PDE1A: variants seen among roughly 807,000 people sequenced by gnomAD.
PDE1A encodes phosphodiesterase 1A.
PDE1A carries 35 observed loss-of-function variants against 61.7 expected under a neutral mutation model. That is an observed-to-expected ratio of 0.57 (90% CI 0.43 to 0.75). PDE1A has a LOEUF of 0.75. Among genes scored for constraint, PDE1A ranks in the 30% least tolerant of loss-of-function variants. PDE1A has a pLI of 0.00. For missense variants in PDE1A, 597 were observed against 630.6 expected, an observed-to-expected ratio of 0.95 and a Z score of 0.57; for synonymous variants, 232 against 213.2, an observed-to-expected ratio of 1.09 and a Z score of -0.77.
rs770064634 is a variant in PDE1A at position 182,186,496 on chromosome 2, C to T, written c.1300G>A (p.Ala434Thr). 6 of 1,612,904 alleles carry T rather than the reference C, an allele frequency of 3.7e-6. No individual in the cohort carries two copies. The Admixed American group carries it at 5.0e-5, about 13-fold the overall frequency. Residue 434 changes from alanine to threonine, a missense_variant, in exon 12 of 14, where the codon GCC becomes ACC. Transcript: ENST00000351439. ...CTTGCCACATAGGAAGAAGTTTCGG[C>T]TTTTGAGGCTTCCTCTATAAGAGGA...
intron 7 of PDE1A, among the ~76,000 whole-genome samples, chr2:182,214,072 G>C (rs879668427): frequency 1.4e-5 from 2 of 148,048 alleles, no homozygotes; most frequent in Non-Finnish European, 3.0e-5. Context: ...CGGATCTCTC[G>C]GCAGAAACCC....
At chr2:182,241,639 G>A (rs998681781) in intron 2 of PDE1A, among the ~76,000 whole-genome samples, 6 of 152,144 alleles carry the variant, frequency 3.9e-5, no homozygotes, top group Admixed American at 3.3e-4. Flanking sequence ...CTGCAGAAAA[G>A]TCATTTGCCA....
At chr2:182,452,004 TG>T (rs1685560552) in intron 2 of PDE1A, among the ~76,000 whole-genome samples, 2 of 152,086 alleles carry the variant, frequency 1.3e-5, no homozygotes, top group Non-Finnish European at 2.9e-5. Context: ...GTTTGTTTAT[TG>T]TTCTGATTTA....
At chr2:182,165,258 T>G (rs1691596036), downstream of PDE1A, among the ~76,000 whole-genome samples, 1 of 152,130 alleles carries the variant, frequency 6.6e-6, no homozygotes, top group Admixed American at 6.5e-5. Flanking sequence ...TCTGCAACAT[T>G]ATGTTCTTCT....
At chr2:182,498,482 C>T (rs1688859296) in intron 2 of PDE1A, among the ~76,000 whole-genome samples, 1 of 150,938 alleles carries the variant, frequency 6.6e-6, no homozygotes, top group Admixed American at 6.6e-5. Flanking sequence ...AAGAAAATTT[C>T]AGGCTTAATC....
intron 1 of PDE1A, among the ~76,000 whole-genome samples, chr2:182,287,025 T>TA (rs1328976962): frequency 6.6e-6 from 1 of 152,120 alleles, no homozygotes; most frequent in Non-Finnish European, 1.5e-5. Context: ...CCAAACTCCT[T>TA]ACCTTGACTT....
the PDE1A span, among the ~76,000 whole-genome samples, chr2:182,557,392 C>G: frequency 6.6e-6 from 1 of 152,070 alleles, no homozygotes; most frequent in African/African-American, 2.4e-5. Context: ...TTTCGGCAAT[C>G]ACTGTTTATA....
At chr2:182,323,918 T>G (rs920158458) in intron 1 of PDE1A, among the ~76,000 whole-genome samples, 1 of 152,040 alleles carries the variant, frequency 6.6e-6, no homozygotes, top group Non-Finnish European at 1.5e-5. Flanking sequence ...GACATTGCAG[T>G]AGGGCTGTGC....
At chr2:182,626,850 T>TGTATATATAC in the PDE1A span, among the ~76,000 whole-genome samples, 9 of 23,866 alleles carry the variant, frequency 3.8e-4, no homozygotes, top group Admixed American at 8.4e-4. Context: ...TATATATACA[T>TGTATATATAC]ATATATATAC....
At chr2:182,189,168 G>T in intron 10 of PDE1A, 108 bp from the exon 11 acceptor site, 1 of 612,426 alleles carries the variant, frequency 1.6e-6, no homozygotes. Context: ...TTCTTAATTA[G>T]CAATACTTTT....
chr2:182,157,794 T>A (rs750253023), intron 13 of PDE1A, among the ~76,000 whole-genome samples: 2 of 152,182 alleles, frequency 1.3e-5, no homozygotes, highest in African/African-American at 4.8e-5. Context: ...ATTTGTAAAC[T>A]GAGTTGAATT....
intron 1 of PDE1A, among the ~76,000 whole-genome samples, chr2:182,320,942 C>T (rs1317639094): frequency 6.6e-6 from 1 of 152,082 alleles, no homozygotes; most frequent in East Asian, 1.9e-4. Context: ...TCCTATTTCA[C>T]TAGTAGGTAT....
At chr2:182,443,682 CTTTTA>C (rs1396572909) in intron 2 of PDE1A, among the ~76,000 whole-genome samples, 2 of 141,740 alleles carry the variant, frequency 1.4e-5, no homozygotes, top group Non-Finnish European at 3.1e-5. Flanking sequence ...AATTAAACTT[CTTTTA>C]TTTTCTTTTT....
chr2:182,212,197 T>G (rs79396898), intron 7 of PDE1A, among the ~76,000 whole-genome samples: 3 of 46,164 alleles, frequency 6.5e-5, no homozygotes, highest in African/African-American at 6.8e-5. Context: ...CAATTAAAAT[T>G]ATATATATTA....
the PDE1A span, among the ~76,000 whole-genome samples, chr2:182,674,014 A>ATATATATG: frequency 2.1e-5 from 3 of 146,074 alleles, no homozygotes; most frequent in Non-Finnish European, 4.5e-5. Context: ...ATATATATAT[A>ATATATATG]TATATATATG....
the PDE1A span, among the ~76,000 whole-genome samples, chr2:182,609,296 T>C: frequency 1.1e-4 from 17 of 152,334 alleles, no homozygotes; most frequent in African/African-American, 3.6e-4. Context: ...ATCGGCTCTC[T>C]GTAAAATGGA....
intron 2 of PDE1A, among the ~76,000 whole-genome samples, chr2:182,503,551 C>A (rs1397369859): frequency 6.6e-6 from 1 of 152,146 alleles, no homozygotes; most frequent in Admixed American, 6.5e-5. Flanking sequence ...TTTCTTCAAA[C>A]AGGCCAAGTG....
chr2:182,218,141 A>C (rs376562165), intron 7 of PDE1A, among the ~76,000 whole-genome samples: 3 of 150,084 alleles, frequency 2.0e-5, no homozygotes, highest in South Asian at 2.1e-4. Flanking sequence ...AAATTGGAAA[A>C]CATCATTCTC....
At chr2:182,524,800 A>G (rs1165384118), upstream of PDE1A, among the ~76,000 whole-genome samples, 1 of 151,988 alleles carries the variant, frequency 6.6e-6, no homozygotes, top group Non-Finnish European at 1.5e-5. Context: ...AATACAGTAA[A>G]AAATGATCCA....
Sources: gnomAD v4.1 joint callset for allele counts (sites outside exome capture counted in the v4.1 genomes callset) on GRCh38, gnomAD v4.1.1 for gene constraint, MANE v1.5 for transcripts, NCBI Gene and HGNC (gene_info 2026-07-23, HGNC 2026-07-21) for gene names.